LINGO2: variants seen among roughly 807,000 people sequenced by gnomAD.
LINGO2 encodes the protein leucine rich repeat and Ig domain containing 2.
Under a neutral mutation model 30.6 loss-of-function variants are expected in LINGO2, and 14 were observed. The ratio of observed to expected loss-of-function variants is 0.46; its 90% CI spans 0.30 to 0.72. The LOEUF is 0.72. Ranked by LOEUF, LINGO2 falls within the 30% of genes least tolerant of loss-of-function variation. The pLI is 0.07. For synonymous variants in LINGO2, 317 were observed against 288.5 expected (o/e 1.10, Z -1.00); for missense variants, 729 against 751.7 (o/e 0.97, Z 0.35).
intron 1 of LINGO2, among the ~76,000 whole-genome samples, chr9:28,628,252 C>T (rs1587983791): frequency 8.0e-6 from 1 of 125,294 alleles, no homozygotes; most frequent in Admixed American, 8.0e-5. Flanking sequence ...TAATACATTT[C>T]CTTCCTTTTG....
intron 3 of LINGO2, among the ~76,000 whole-genome samples, chr9:28,314,144 C>A (rs562086926): frequency 1.3e-5 from 2 of 152,186 alleles, no homozygotes; most frequent in African/African-American, 4.8e-5. Flanking sequence ...CCATGTTAGC[C>A]AGGATGGTCT....
At chr9:28,633,954 T>C (rs1214907043) in intron 1 of LINGO2, among the ~76,000 whole-genome samples, 1 of 152,188 alleles carries the variant, frequency 6.6e-6, no homozygotes, top group Non-Finnish European at 1.5e-5. Flanking sequence ...TATTACTCTG[T>C]CATAGCTTCC....
the LINGO2 span, among the ~76,000 whole-genome samples, chr9:29,022,055 G>A: frequency 6.6e-6 from 1 of 151,882 alleles, no homozygotes; most frequent in African/African-American, 2.4e-5. Flanking sequence ...CAATTACTGG[G>A]GTATTGTCCT....
Position 27,982,986 on chromosome 9 carries a change from T to C in LINGO2, c.-36+29369A>G, listed in dbSNP as rs1195899601. 9.9e-5 allele frequency among the ~76,000 whole-genome samples: 15 copies of C among 151,926 alleles called. No homozygotes were observed. The East Asian group carries it at 2.7e-3, about 28-fold the overall frequency. The stretch of plus-strand genomic sequence containing the variant: ...CAATACGTACTCTGTCTTTCCTACT[T>C]ATACTTCTCGGTCACCTTGCCTCTC... On this transcript the variant is annotated intron_variant, in intron 5 of 5. Transcript: ENST00000379992.
intron 1 of LINGO2, among the ~76,000 whole-genome samples, chr9:28,642,024 T>C (rs1827614622): frequency 6.6e-6 from 1 of 151,866 alleles, no homozygotes; most frequent in African/African-American, 2.4e-5. Context: ...TTTTTTTTTT[T>C]AGCTAGCTAA....
chr9:28,897,167 C>T, the LINGO2 span, among the ~76,000 whole-genome samples: 1 of 152,278 alleles, frequency 6.6e-6, no homozygotes, highest in East Asian at 1.9e-4. Flanking sequence ...CTCACACATA[C>T]TTGTGCACAC....
chr9:28,117,038 G>A (rs1826928349), intron 4 of LINGO2, among the ~76,000 whole-genome samples: 1 of 94,400 alleles, frequency 1.1e-5, no homozygotes, highest in African/African-American at 4.0e-5. Context: ...CCATCTTTGT[G>A]GTTTTATCTA....
chr9:28,793,745 AG>A, the LINGO2 span, among the ~76,000 whole-genome samples: 1 of 152,188 alleles, frequency 6.6e-6, no homozygotes, highest in African/African-American at 2.4e-5. Flanking sequence ...TTCAAAGTGT[AG>A]TTCTGGAATC....
At chr9:28,826,512 G>T in the LINGO2 span, among the ~76,000 whole-genome samples, 16 of 152,200 alleles carry the variant, frequency 1.1e-4, no homozygotes, top group South Asian at 2.7e-3. Flanking sequence ...TCACAGGCCT[G>T]CCAAAAGCCT....
At chr9:28,592,433 T>G (rs1053776006) in intron 1 of LINGO2, among the ~76,000 whole-genome samples, 1 of 152,102 alleles carries the variant, frequency 6.6e-6, no homozygotes, top group Non-Finnish European at 1.5e-5. Flanking sequence ...TCCTAAGGAT[T>G]CAAGTTATCC....
intron 2 of LINGO2, among the ~76,000 whole-genome samples, chr9:28,443,554 C>T (rs1824284162): frequency 6.6e-6 from 1 of 152,242 alleles, no homozygotes; most frequent in South Asian, 2.1e-4. Context: ...CCTGGCCTCT[C>T]CCCACTTCCA....
intron 2 of LINGO2, among the ~76,000 whole-genome samples, chr9:28,470,173 T>C (rs1315262032): frequency 1.3e-5 from 2 of 152,158 alleles, no homozygotes; most frequent in Non-Finnish European, 2.9e-5. Flanking sequence ...ATGTTGGTGA[T>C]AGCTATACAA....
intron 3 of LINGO2, among the ~76,000 whole-genome samples, chr9:28,310,926 A>C (rs886483816): frequency 3.9e-5 from 6 of 152,194 alleles, no homozygotes; most frequent in Non-Finnish European, 7.4e-5. Context: ...TAATGCTGAT[A>C]ACATGCTCAA....
At chr9:28,365,128 T>C (rs953997596) in intron 3 of LINGO2, among the ~76,000 whole-genome samples, 1 of 152,142 alleles carries the variant, frequency 6.6e-6, no homozygotes, top group Non-Finnish European at 1.5e-5. Flanking sequence ...TATAAGGTTT[T>C]ACAGAGGAGG....
At chr9:28,003,348 TAGATAGATAGATAG>T (rs1822067103) in intron 5 of LINGO2, among the ~76,000 whole-genome samples, 5 of 123,564 alleles carry the variant, frequency 4.0e-5, no homozygotes, top group African/African-American at 1.0e-4. Context: ...GATATATAGA[TAGATAGATAGATAG>T]ATAGATAGAT....
the LINGO2 span, among the ~76,000 whole-genome samples, chr9:28,976,653 C>T: frequency 6.6e-6 from 1 of 152,016 alleles, no homozygotes; most frequent in Non-Finnish European, 1.5e-5. Flanking sequence ...TTTCAAAACA[C>T]TGATAGGATA....
upstream of LINGO2, among the ~76,000 whole-genome samples, chr9:28,673,267 C>A (rs372684889): frequency 3.8e-4 from 58 of 152,152 alleles, 1 homozygote; most frequent in Middle Eastern, 3.4e-3. Context: ...AATGATAACA[C>A]CAGATGAGAA....
chr9:28,790,485 C>T, the LINGO2 span, among the ~76,000 whole-genome samples: 5 of 148,924 alleles, frequency 3.4e-5, no homozygotes, highest in Admixed American at 2.7e-4. Flanking sequence ...CCCGCCACCA[C>T]GCCCGGCTAA....
chr9:28,019,185 T>A (rs1375639987), intron 4 of LINGO2, among the ~76,000 whole-genome samples: 1 of 152,072 alleles, frequency 6.6e-6, no homozygotes, highest in Non-Finnish European at 1.5e-5. Flanking sequence ...TGCTTTTACC[T>A]GAATGATGAA....
Sources: gnomAD v4.1 joint callset for allele counts (sites outside exome capture counted in the v4.1 genomes callset) on GRCh38, gnomAD v4.1.1 for gene constraint, MANE v1.5 for transcripts, NCBI Gene and HGNC (gene_info 2026-07-23, HGNC 2026-07-21) for gene names.